The following CNTN5 variants were observed in gnomAD, a reference collection of about 807,000 sequenced individuals.
CNTN5 encodes contactin 5, also known as contactin-5.
A neutral mutation model predicts 129.1 loss-of-function variants in CNTN5; 77 were observed. That is an observed-to-expected ratio of 0.60 (90% CI 0.50 to 0.72). The LOEUF is 0.72. Among genes scored for constraint, CNTN5 ranks in the 30% least tolerant of loss-of-function variants. CNTN5 has a pLI of 0.00. For synonymous variants in CNTN5, 509 were observed against 465.6 expected, an observed-to-expected ratio of 1.09 and a Z score of -1.20; for missense variants, 1,478 against 1,328.8, an observed-to-expected ratio of 1.11 and a Z score of -1.75.
intron 7 of CNTN5, among the ~76,000 whole-genome samples, chr11:99,919,286 A>G (rs1451667345): frequency 1.3e-5 from 2 of 151,964 alleles, no homozygotes; most frequent in African/African-American, 2.4e-5. Context: ...TTTTTTGCCT[A>G]CTTTAAGAAA....
At chr11:100,246,739 G>A (rs954756185) in intron 16 of CNTN5, among the ~76,000 whole-genome samples, 2 of 152,040 alleles carry the variant, frequency 1.3e-5, no homozygotes, top group South Asian at 4.1e-4. Context: ...CTGTAATTTT[G>A]TAAAGATGTA....
intron 7 of CNTN5, among the ~76,000 whole-genome samples, chr11:99,954,345 A>G (rs996782153): frequency 8.5e-6 from 1 of 117,768 alleles, no homozygotes; most frequent in Admixed American, 9.9e-5. Context: ...GTTGCTTTAG[A>G]TAACCATACT....
intron 3 of CNTN5, among the ~76,000 whole-genome samples, chr11:99,629,951 A>T (rs1396312249): frequency 1.3e-5 from 2 of 151,858 alleles, no homozygotes; most frequent in Non-Finnish European, 2.9e-5. Flanking sequence ...AAATAAAAAC[A>T]TTCCAATAGA....
chr11:99,791,477 T>C (rs1028655185), intron 3 of CNTN5, among the ~76,000 whole-genome samples: 1 of 152,062 alleles, frequency 6.6e-6, no homozygotes, highest in African/African-American at 2.4e-5. Context: ...ATTTTTGGTC[T>C]CTCTATTTTC....
chr11:99,254,143 A>G (rs148758602), intron 1 of CNTN5, among the ~76,000 whole-genome samples: 1 of 151,888 alleles, frequency 6.6e-6, no homozygotes, highest in African/African-American at 2.4e-5. Flanking sequence ...ATATTAGATC[A>G]TACAAAGAAA....
Position 99,989,932 on chromosome 11 carries a change from C to A in CNTN5, c.878-12102C>A, listed in dbSNP as rs528579935. ...AGGTGCATGCCACCATGCACAGCTA[C>A]TTTTTTGTATTTTTAGTAGAGACGG... On this transcript the variant is annotated intron_variant, in intron 8 of 24. Transcript: ENST00000524871. 8.6e-4 allele frequency among the ~76,000 whole-genome samples: 131 copies of A among 152,110 alleles called. 1 individual carries two copies. Among genetic ancestry groups the A allele is most frequent in the African/African-American group, 2.8e-3 (116 of 41,510 alleles).
intron 9 of CNTN5, among the ~76,000 whole-genome samples, chr11:100,035,813 G>A (rs1411017135): frequency 1.3e-5 from 2 of 151,276 alleles, no homozygotes; most frequent in African/African-American, 4.9e-5. Context: ...CTTTTTGATG[G>A]GGTTGTTTTT....
chr11:99,753,662 A>C (rs76709042), intron 3 of CNTN5, among the ~76,000 whole-genome samples: 2 of 146,556 alleles, frequency 1.4e-5, no homozygotes, highest in African/African-American at 5.0e-5. Context: ...AAAAAAAAAA[A>C]AAAAAAACAG....
At chr11:100,090,941 GCAAT>G (rs1565231231) in intron 13 of CNTN5, among the ~76,000 whole-genome samples, 2 of 151,904 alleles carry the variant, frequency 1.3e-5, no homozygotes, top group African/African-American at 4.8e-5. Context: ...TCTCTATCCA[GCAAT>G]CAGAGTTTTA....
intron 1 of CNTN5, among the ~76,000 whole-genome samples, chr11:99,320,711 G>C (rs1413967048): frequency 6.6e-6 from 1 of 152,176 alleles, no homozygotes; most frequent in African/African-American, 2.4e-5. Context: ...TAGTTGTACT[G>C]TTTAAGAATA....
At chr11:100,335,932 T>C (rs1035935280) in intron 21 of CNTN5, among the ~76,000 whole-genome samples, 2 of 152,036 alleles carry the variant, frequency 1.3e-5, no homozygotes, top group African/African-American at 4.8e-5. Flanking sequence ...CAAAATAATA[T>C]GAAGGATTAA....
At chr11:99,398,611 G>A (rs1016169698) in intron 2 of CNTN5, among the ~76,000 whole-genome samples, 4 of 151,788 alleles carry the variant, frequency 2.6e-5, no homozygotes, top group South Asian at 2.1e-4. Flanking sequence ...TATATAGTAC[G>A]TAGCTTTTCA....
chr11:100,351,187 C>T (rs1952403631), intron 24 of CNTN5, among the ~76,000 whole-genome samples: 2 of 151,528 alleles, frequency 1.3e-5, no homozygotes, highest in Non-Finnish European at 3.0e-5. Flanking sequence ...ACTGATATTA[C>T]ACTGGTTTTG....
chr11:99,442,349 T>C (rs1943868681), intron 2 of CNTN5, among the ~76,000 whole-genome samples: 1 of 152,120 alleles, frequency 6.6e-6, no homozygotes, highest in Non-Finnish European at 1.5e-5. Context: ...TTTGTATTTT[T>C]AGTAGAGACC....
At chr11:99,858,167 C>A (rs775216137) in intron 6 of CNTN5, among the ~76,000 whole-genome samples, 1 of 152,056 alleles carries the variant, frequency 6.6e-6, no homozygotes, top group Non-Finnish European at 1.5e-5. Flanking sequence ...AGAGAATTGT[C>A]TTTCCTAGCT....
At chr11:100,194,678 G>A (rs1328864568) in intron 15 of CNTN5, among the ~76,000 whole-genome samples, 1 of 151,378 alleles carries the variant, frequency 6.6e-6, no homozygotes, top group Non-Finnish European at 1.5e-5. Context: ...CTAGTCAGCT[G>A]TGTAACATAA....
At chr11:99,569,949 G>C (rs553554098) in intron 3 of CNTN5, among the ~76,000 whole-genome samples, 56 of 151,960 alleles carry the variant, frequency 3.7e-4, no homozygotes, top group Middle Eastern at 3.4e-3. Context: ...TAGTTCAGGG[G>C]ATTGTAAAAA....
chr11:99,670,056 G>A (rs911052670), intron 3 of CNTN5, among the ~76,000 whole-genome samples: 3 of 152,060 alleles, frequency 2.0e-5, no homozygotes, highest in Non-Finnish European at 4.4e-5. Context: ...TCTTTAAATA[G>A]AATTTTATTA....
intron 9 of CNTN5, among the ~76,000 whole-genome samples, chr11:100,034,445 C>T (rs534809085): frequency 6.6e-6 from 1 of 152,108 alleles, no homozygotes; most frequent in Non-Finnish European, 1.5e-5. Context: ...TTAGTACAAC[C>T]CCATTAATTT....
Sources: allele counts gnomAD v4.1 joint callset (sites outside exome capture counted in the v4.1 genomes callset), GRCh38; gene constraint gnomAD v4.1.1; transcripts MANE v1.5; gene names NCBI Gene and HGNC (gene_info 2026-07-23, HGNC 2026-07-21).